Variants in SLC22A3 observed in about 807,000 individuals in gnomAD.
SLC22A3 encodes solute carrier family 22 member 3.
SLC22A3 carries 51 observed loss-of-function variants against 59.1 expected under a neutral mutation model. The observed-to-expected ratio is 0.86, with a 90% CI of 0.69 to 1.09. The LOEUF (loss-of-function observed/expected upper bound fraction) is 1.09, where lower values mean the gene tolerates loss of function less well. Among genes scored for constraint, SLC22A3 ranks in the 50% least tolerant of loss-of-function variants. The pLI is 0.00. For missense variants in SLC22A3, 711 were observed against 726.3 expected (o/e 0.98, Z 0.24); for synonymous variants, 325 against 292.0 (o/e 1.11, Z -1.15).
intron 1 of SLC22A3, among the ~76,000 whole-genome samples, chr6:160,367,336 G>A (rs1785241421): frequency 6.6e-6 from 1 of 152,112 alleles, no homozygotes; most frequent in Admixed American, 6.5e-5. Flanking sequence ...CAGCATGGAG[G>A]TAACTGCCCC....
chr6:160,357,261 T>C (rs942802507), intron 1 of SLC22A3, among the ~76,000 whole-genome samples: 1 of 152,182 alleles, frequency 6.6e-6, no homozygotes, highest in African/African-American at 2.4e-5. Context: ...GATAACCAAG[T>C]GATAAGCAAG....
intron 1 of SLC22A3, among the ~76,000 whole-genome samples, chr6:160,384,978 C>T (rs1785942920): frequency 6.6e-6 from 1 of 152,234 alleles, no homozygotes; most frequent in Non-Finnish European, 1.5e-5. Flanking sequence ...AACCAGCGCT[C>T]CGGGTCCTGC....
intron 1 of SLC22A3, 86 bp downstream of exon 1, chr6:160,348,934 G>T (rs1474306229): frequency 5.9e-6 from 9 of 1,531,456 alleles, no homozygotes; most frequent in East Asian, 2.5e-5. Flanking sequence ...GACGCTGGCC[G>T]CCAGGGGAGG....
chr6:160,419,235 TAATGAGC>T (rs1787631222), intron 5 of SLC22A3, among the ~76,000 whole-genome samples: 1 of 152,224 alleles, frequency 6.6e-6, no homozygotes, highest in South Asian at 2.1e-4. Context: ...TTCTATAATT[TAATGAGC>T]AGTCACACAA....
intron 2 of SLC22A3, 141 bp from the exon 3 acceptor site, chr6:160,406,900 G>T: frequency 3.0e-6 from 3 of 1,012,324 alleles, no homozygotes; most frequent in Non-Finnish European, 4.1e-6. Flanking sequence ...GGGACACCCT[G>T]TCTCTACAAA....
At chr6:160,416,318 T>A (rs371653890) in intron 5 of SLC22A3, among the ~76,000 whole-genome samples, 13 of 151,452 alleles carry the variant, frequency 8.6e-5, no homozygotes, top group African/African-American at 2.4e-4. Flanking sequence ...TCCTAGGAGG[T>A]TAGGTAGAAA....
Position 160,403,782 on chromosome 6 carries a change from CA to C in SLC22A3, c.534-3257del, listed in dbSNP as rs1396061978. Among the ~76,000 whole-genome samples the C allele has an allele frequency of 5.6e-3, 29 of 5,156 alleles. No individual in the cohort carries two copies. In the African/African-American group the frequency reaches 0.13, roughly 23 times the overall value. 3.4% of individuals were successfully genotyped at this position (5,156 alleles called of 152,430 possible). On this transcript the variant is annotated intron_variant, in intron 2 of 10. Coordinates refer to ENST00000275300, the MANE Select transcript of SLC22A3 (RefSeq NM_021977.4). ...TCTAAAGTCAATTAATGTCATCCAT[CA>C]ATCACATCGACAAACTAAGGAAGAA...
At chr6:160,401,863 T>A (rs139601475) in intron 2 of SLC22A3, among the ~76,000 whole-genome samples, 363 of 151,920 alleles carry the variant, frequency 2.4e-3, no homozygotes, top group African/African-American at 6.6e-3. Flanking sequence ...AGATTTTTTT[T>A]AAAAAAGCAT....
In SLC22A3 at chr6:160,370,245, ATT is replaced by A. The variant is rs752248003; in HGVS notation, c.429+21398_429+21399del. ...CCTTCCTGGATTCAAGGGAAAGGGA[ATT>A]AGATGCCATTTCCTGATGAAGGTGG... On this transcript the variant is annotated intron_variant, in intron 1 of 10. Coordinates refer to ENST00000275300, the MANE Select transcript of SLC22A3 (RefSeq NM_021977.4). Among the ~76,000 whole-genome samples the A allele has an allele frequency of 1.4e-4, 22 of 152,348 alleles. No individual in the cohort carries two copies. The East Asian group carries it at 3.9e-3, about 27-fold the overall frequency.
intron 1 of SLC22A3, among the ~76,000 whole-genome samples, chr6:160,354,484 G>GT (rs1208086575): frequency 6.6e-6 from 1 of 152,290 alleles, no homozygotes; most frequent in East Asian, 1.9e-4. Context: ...CCCTGGAGCT[G>GT]TAAGTTTGCT....
At chr6:160,432,040 A>ATGT (rs1374443566) in intron 5 of SLC22A3, among the ~76,000 whole-genome samples, 2 of 152,214 alleles carry the variant, frequency 1.3e-5, no homozygotes, top group Non-Finnish European at 2.9e-5. Flanking sequence ...GCTAAGTTGT[A>ATGT]TGTGAGCCCA....
intron 1 of SLC22A3, among the ~76,000 whole-genome samples, chr6:160,364,772 C>A (rs1036611197): frequency 3.3e-5 from 5 of 152,126 alleles, no homozygotes; most frequent in Non-Finnish European, 7.3e-5. Flanking sequence ...AGGACTCCAT[C>A]GCTCAGAGCA....
chr6:160,434,689 T>C (rs1194167196), intron 5 of SLC22A3, among the ~76,000 whole-genome samples: 1 of 152,230 alleles, frequency 6.6e-6, no homozygotes, highest in Non-Finnish European at 1.5e-5. Flanking sequence ...TCTTTCACTT[T>C]TGATATTCCT....
intron 1 of SLC22A3, among the ~76,000 whole-genome samples, chr6:160,370,986 CCCAG>C (rs1195304685): frequency 2.6e-5 from 4 of 152,154 alleles, no homozygotes; most frequent in African/African-American, 9.7e-5. Flanking sequence ...ACACAGACCT[CCCAG>C]CTTACCTCCT....
At chr6:160,408,696 G>A in intron 3 of SLC22A3, 57 bp from the exon 4 acceptor site, 2 of 1,553,688 alleles carry the variant, frequency 1.3e-6, no homozygotes, top group Non-Finnish European at 1.8e-6. Context: ...GTATTTGTTT[G>A]TTTATTTTGG....
intron 5 of SLC22A3, among the ~76,000 whole-genome samples, chr6:160,418,917 C>T (rs928667490): frequency 2.6e-5 from 4 of 152,074 alleles, no homozygotes; most frequent in Admixed American, 6.5e-5. Flanking sequence ...TTTGGATACA[C>T]TTATGTATTG....
Position 160,408,753 on chromosome 6 carries a change from T to A in SLC22A3, c.689T>A (p.Val230Glu). 6.2e-7 allele frequency: 1 copy of A among 1,613,542 alleles called. No individual in the cohort carries two copies. The highest frequency in any genetic ancestry group is 8.5e-7 in the Non-Finnish European group (1 of 1,179,628). The change falls in exon 4 of 11, where the codon GTG (valine) becomes GAG (glutamate). Residue 230 changes from valine (V) to glutamate (E), a missense_variant and splice_region_variant. Physicochemically the swap from Val to Glu is moderately radical, Grantham distance 121 (BLOSUM62 -2). Coordinates refer to ENST00000275300, the MANE Select transcript of SLC22A3 (RefSeq NM_021977.4). ...KGTWMTCYVI[V>E]TEIVGSKQRR... The stretch of plus-strand genomic sequence containing the variant: ...ACCTCTTGTGTTTGTTTTCCTTTAG[T>A]GACAGAAATAGTAGGTTCGAAACAA...
At position 160,451,063 on chromosome 6, in the gene SLC22A3, C is replaced by T. The variant is rs751885139; in HGVS notation, c.*7C>T. ...TTCCCGCTCTCACCTTTGAGGCCCC[C>T]GACAAAGACAGAAAGAAGGAGCTAT... On this transcript the variant is annotated 3_prime_UTR_variant, in exon 11 of 11. Coordinates refer to ENST00000275300, the MANE Select transcript of SLC22A3 (RefSeq NM_021977.4). 53 of 1,587,760 alleles carry T rather than the reference C, an allele frequency of 3.3e-5. No individual in the cohort carries two copies. The Middle Eastern group carries it at 5.0e-4, about 15-fold the overall frequency.
At chr6:160,354,649 A>C (rs1263492832) in intron 1 of SLC22A3, among the ~76,000 whole-genome samples, 4 of 152,210 alleles carry the variant, frequency 2.6e-5, no homozygotes, top group African/African-American at 7.2e-5. Flanking sequence ...AAAATATTTT[A>C]AAATTTTTAA....
Sources: gnomAD v4.1 joint callset for allele counts (sites outside exome capture counted in the v4.1 genomes callset) on GRCh38, gnomAD v4.1.1 for gene constraint, MANE v1.5 for transcripts, NCBI Gene and HGNC (gene_info 2026-07-23, HGNC 2026-07-21) for gene names.